Variants in BTAF1 observed in about 807,000 individuals in gnomAD.
BTAF1 encodes B-TFIID TATA-box binding protein associated factor 1.
A neutral mutation model predicts 227.1 loss-of-function variants in BTAF1; 38 were observed. That is an observed-to-expected ratio of 0.17 (90% confidence interval 0.13 to 0.22). BTAF1 has a LOEUF of 0.22. Among genes scored for constraint, BTAF1 ranks in the 10% least tolerant of loss-of-function variants. The pLI is 1.00. For missense variants in BTAF1, 1,598 were observed against 2,204.0 expected, an observed-to-expected ratio of 0.73 and a Z score of 5.51; for synonymous variants, 742 against 751.9, an observed-to-expected ratio of 0.99 and a Z score of 0.21.
intron 34 of BTAF1, among the ~76,000 whole-genome samples, chr10:92,021,971 A>C (rs926006723): frequency 1.3e-5 from 2 of 152,240 alleles, no homozygotes; most frequent in Non-Finnish European, 2.9e-5. Context: ...AGTTAGGGCA[A>C]GATAAAATTG....
At chr10:91,954,341 T>TGG (rs1307404412) in intron 6 of BTAF1, among the ~76,000 whole-genome samples, 1 of 152,162 alleles carries the variant, frequency 6.6e-6, no homozygotes, top group Non-Finnish European at 1.5e-5. Flanking sequence ...TGCCTTAAGC[T>TGG]GGGGCTATGC....
At chr10:91,973,620 C>T (rs1324956139) in intron 14 of BTAF1, among the ~76,000 whole-genome samples, 1 of 152,118 alleles carries the variant, frequency 6.6e-6, no homozygotes, top group African/African-American at 2.4e-5. Flanking sequence ...AAGAAACTTT[C>T]CCGGCCGGGC....
Position 92,029,405 on chromosome 10 carries a change from AT to A in BTAF1, c.*474del, listed in dbSNP as rs1851746767. 1 of 152,576 alleles carries A rather than the reference AT, an allele frequency of 6.6e-6. No individual in the cohort carries two copies. The allele number at this position is 152,576 out of a possible 1,614,324, so 9.5% of individuals were successfully genotyped here. On this transcript the variant is annotated 3_prime_UTR_variant, in exon 38 of 38. Coordinates refer to ENST00000265990, the MANE Select transcript of BTAF1 (RefSeq NM_003972.3). ...AGAATATAAGAATAATGACTATGAT[AT>A]TGGTCAGTCTTAGAACATGAAAATG...
intron 14 of BTAF1, among the ~76,000 whole-genome samples, chr10:91,975,839 A>G (rs542869811): frequency 9.6e-4 from 146 of 152,346 alleles, no homozygotes; most frequent in Non-Finnish European, 1.6e-3. Context: ...TTAGGGATCT[A>G]TGGCTGAGCC....
intron 25 of BTAF1, among the ~76,000 whole-genome samples, chr10:92,002,125 TA>T (rs1849592562): frequency 6.6e-6 from 1 of 151,800 alleles, no homozygotes; most frequent in African/African-American, 2.4e-5. Flanking sequence ...CAGTTATAAA[TA>T]AAAACACACT....
In BTAF1 at chr10:91,982,668, G is replaced by C. The variant is rs1431934448; in HGVS notation, c.2130G>C (p.Leu710=). 1.9e-6 allele frequency: 3 copies of C among 1,613,838 alleles called. No individual in the cohort carries two copies. The highest frequency in any genetic ancestry group is 2.5e-6 in the Non-Finnish European group (3 of 1,179,860). The change falls in exon 18 of 38, where the codon CTG becomes CTC. Residue 710 remains leucine, a synonymous_variant. Coordinates refer to ENST00000265990, the MANE Select transcript of BTAF1 (RefSeq NM_003972.3). ...AAGAAATTAAACCAGCTGAATCCCTGGGCCAGTTACTACTCTTCCATTTGA... is the reference window on the plus strand; with the variant it reads ...AAGAAATTAAACCAGCTGAATCCCTCGGCCAGTTACTACTCTTCCATTTGA... ...VTQEIKPAES[L]GQLLLFHLNS...
chr10:91,935,271 G>C (rs1452966596), intron 1 of BTAF1: 1 of 157,352 alleles, frequency 6.4e-6, no homozygotes, highest in African/African-American at 2.4e-5. Flanking sequence ...CTCTCTTCTG[G>C]CTATTTGAAA....
At chr10:91,997,012 T>G in intron 24 of BTAF1, 1 of 831,720 alleles carries the variant, frequency 1.2e-6, no homozygotes, top group Admixed American at 2.5e-5. Flanking sequence ...TAATTAGAAA[T>G]ATACAGGCAA....
intron 19 of BTAF1, among the ~76,000 whole-genome samples, chr10:91,985,672 C>T (rs1331727505): frequency 6.6e-6 from 1 of 152,094 alleles, no homozygotes; most frequent in Non-Finnish European, 1.5e-5. Context: ...TAGTGATTGT[C>T]TGATAGTGTT....
chr10:91,999,817 T>G (rs183118684), intron 25 of BTAF1, among the ~76,000 whole-genome samples: 2 of 152,202 alleles, frequency 1.3e-5, no homozygotes, highest in Non-Finnish European at 2.9e-5. Flanking sequence ...TACAGTAATA[T>G]TCATAAATCT....
intron 14 of BTAF1, among the ~76,000 whole-genome samples, chr10:91,971,828 A>G (rs1334017186): frequency 7.3e-6 from 1 of 136,212 alleles, no homozygotes; most frequent in Non-Finnish European, 1.6e-5. Flanking sequence ...TCCTTTTTTT[A>G]AATTTTGGGA....
At chr10:92,003,050 A>G (rs1174959559) in intron 25 of BTAF1, among the ~76,000 whole-genome samples, 1 of 151,770 alleles carries the variant, frequency 6.6e-6, no homozygotes. Flanking sequence ...CCAGCTACTC[A>G]GGAGGCTAGG....
chr10:91,952,199 A>G (rs936865967), intron 5 of BTAF1, among the ~76,000 whole-genome samples: 1 of 151,462 alleles, frequency 6.6e-6, no homozygotes, highest in Admixed American at 6.6e-5. Context: ...TATTCCTTTT[A>G]AGCCATGTTT....
In BTAF1 at chr10:92,028,772, T is replaced by G. The variant is rs1564729379; in HGVS notation, c.5407-18T>G. 4 of 1,577,462 alleles carry G rather than the reference T, an allele frequency of 2.5e-6. No individual in the cohort carries two copies. Among genetic ancestry groups the G allele is most frequent in the Admixed American group, 2.1e-5 (1 of 48,090 alleles). On this transcript the variant is annotated intron_variant, in intron 37 of 37. Transcript: ENST00000265990. ...ACCTCTCATTTTATTTTTTTTTTTT[T>G]TGCCAATTTTTCTTAAGGATGGCAA...
chr10:91,940,901 G>A (rs1044136759), intron 3 of BTAF1, among the ~76,000 whole-genome samples: 24 of 151,932 alleles, frequency 1.6e-4, no homozygotes, highest in Non-Finnish European at 2.2e-4. Flanking sequence ...CCAGGCTCGG[G>A]GGGGTGGGGT....
intron 1 of BTAF1, among the ~76,000 whole-genome samples, chr10:91,932,770 C>T (rs145718049): frequency 2.2e-4 from 34 of 152,324 alleles, no homozygotes; most frequent in African/African-American, 8.2e-4. Flanking sequence ...TCAGCTGAAT[C>T]CTGTTGGATG....
chr10:91,929,930 T>G (rs1201814059), intron 1 of BTAF1, among the ~76,000 whole-genome samples: 1 of 152,168 alleles, frequency 6.6e-6, no homozygotes, highest in East Asian at 1.9e-4. Flanking sequence ...TATCTCATAC[T>G]TTAAAAATTT....
At chr10:91,950,251 A>T (rs1845679112) in intron 4 of BTAF1, among the ~76,000 whole-genome samples, 2 of 151,856 alleles carry the variant, frequency 1.3e-5, no homozygotes, top group Admixed American at 6.6e-5. Flanking sequence ...AAAAAGGGGA[A>T]ACTTTTGTTT....
At chr10:91,971,023 C>T (rs1169605528) in intron 14 of BTAF1, among the ~76,000 whole-genome samples, 3 of 152,172 alleles carry the variant, frequency 2.0e-5, no homozygotes, top group Non-Finnish European at 4.4e-5. Flanking sequence ...CTAGTCTGTT[C>T]CCTTTAGACT....
Sources: allele counts gnomAD v4.1 joint callset (sites outside exome capture counted in the v4.1 genomes callset), GRCh38; gene constraint gnomAD v4.1.1; transcripts MANE v1.5; gene names NCBI Gene and HGNC (gene_info 2026-07-23, HGNC 2026-07-21).